Variants in CDH13 observed in about 807,000 individuals in gnomAD.
CDH13 encodes the protein cadherin-13.
Under a neutral mutation model 63.8 loss-of-function variants are expected in CDH13, and 24 were observed. The observed-to-expected ratio is 0.38, with a 90% CI of 0.27 to 0.53. The LOEUF (loss-of-function observed/expected upper bound fraction) is 0.53. CDH13 is among the 20% of genes least tolerant of loss of function. CDH13 has a pLI of 0.85. For synonymous variants in CDH13, 503 were observed against 355.3 expected, an observed-to-expected ratio of 1.42 and a Z score of -4.67; for missense variants, 1,049 against 903.1, an observed-to-expected ratio of 1.16 and a Z score of -2.07.
intron 1 of CDH13, among the ~76,000 whole-genome samples, chr16:82,675,310 T>C (rs973654881): frequency 3.9e-5 from 6 of 152,234 alleles, no homozygotes; most frequent in African/African-American, 9.6e-5. Context: ...GCCCATCTAT[T>C]ATTTCTCTAT....
At chr16:82,897,942 T>C (rs1478211982) in intron 2 of CDH13, among the ~76,000 whole-genome samples, 3 of 152,258 alleles carry the variant, frequency 2.0e-5, no homozygotes, top group African/African-American at 7.2e-5. Flanking sequence ...TGTTAATCTT[T>C]ATGCCTCTGA....
At chr16:83,500,923 CAG>C (rs1462245399) in intron 7 of CDH13, among the ~76,000 whole-genome samples, 2 of 152,040 alleles carry the variant, frequency 1.3e-5, no homozygotes, top group African/African-American at 2.4e-5. Context: ...GTTGACCAAA[CAG>C]AGGGAGTTGT....
At chr16:82,691,592 C>T (rs547562284) in intron 1 of CDH13, among the ~76,000 whole-genome samples, 1 of 152,194 alleles carries the variant, frequency 6.6e-6, no homozygotes, top group East Asian at 1.9e-4. Context: ...TACCTGTATC[C>T]AGGTCCTTCT....
At chr16:82,637,409 G>A (rs964794801) in intron 1 of CDH13, among the ~76,000 whole-genome samples, 2 of 140,996 alleles carry the variant, frequency 1.4e-5, no homozygotes, top group African/African-American at 2.6e-5. Flanking sequence ...AGAAGCTGAG[G>A]TCTGTACAGT....
intron 4 of CDH13, among the ~76,000 whole-genome samples, chr16:83,178,049 C>G (rs1020986741): frequency 2.6e-5 from 4 of 152,048 alleles, no homozygotes; most frequent in Admixed American, 2.0e-4. Flanking sequence ...AAAAATAGTA[C>G]CAGAACCCCT....
intron 5 of CDH13, among the ~76,000 whole-genome samples, chr16:83,229,429 C>T (rs1433900748): frequency 6.6e-6 from 1 of 151,988 alleles, no homozygotes; most frequent in Non-Finnish European, 1.5e-5. Flanking sequence ...CTCGTTCTCC[C>T]CATTTAGTCT....
chr16:82,672,091 G>A (rs759729998), intron 1 of CDH13, among the ~76,000 whole-genome samples: 1 of 152,198 alleles, frequency 6.6e-6, no homozygotes, highest in African/African-American at 2.4e-5. Context: ...TAACAACGCA[G>A]TCTTTGAAGC....
At chr16:83,715,162 T>A (rs1281061820) in intron 10 of CDH13, among the ~76,000 whole-genome samples, 1 of 152,230 alleles carries the variant, frequency 6.6e-6, no homozygotes, top group African/African-American at 2.4e-5. Flanking sequence ...TTTATTGCTA[T>A]GAGTTCATGC....
intron 10 of CDH13, among the ~76,000 whole-genome samples, chr16:83,711,582 C>G (rs1470398985): frequency 2.0e-5 from 3 of 152,306 alleles, no homozygotes; most frequent in Non-Finnish European, 4.4e-5. Flanking sequence ...GTGGCGCAAT[C>G]TTGACTCACC....
chr16:83,586,489 C>G (rs910758787), intron 7 of CDH13, among the ~76,000 whole-genome samples: 6 of 152,180 alleles, frequency 3.9e-5, no homozygotes, highest in African/African-American at 1.4e-4. Context: ...TTATCAACAT[C>G]CTGTCTGTCT....
chr16:83,103,840 T>C (rs1049042828), intron 3 of CDH13, among the ~76,000 whole-genome samples: 2 of 152,202 alleles, frequency 1.3e-5, no homozygotes, highest in African/African-American at 4.8e-5. Flanking sequence ...TGTCATTTTC[T>C]AGAACACATT....
chr16:83,561,401 G>C (rs555232102), intron 7 of CDH13, among the ~76,000 whole-genome samples: 2 of 137,728 alleles, frequency 1.5e-5, no homozygotes, highest in East Asian at 2.2e-4. Context: ...ACTTCAGCCT[G>C]AGCAACAAGA....
At chr16:83,334,401 T>A (rs1483912432) in intron 5 of CDH13, among the ~76,000 whole-genome samples, 3 of 123,642 alleles carry the variant, frequency 2.4e-5, no homozygotes, top group Non-Finnish European at 5.0e-5. Flanking sequence ...ACACAGAATC[T>A]CCCTCTGTCA....
At position 83,058,557 on chromosome 16, in the gene CDH13, C is replaced by T. The variant is rs919303614; in HGVS notation, c.366+26339C>T. ...ACCATGTTGCCAAGAGATGGCATAG[C>T]TGGTGAGGGCTGGACTTTAGGGGCC... On this transcript the variant is annotated intron_variant, in intron 3 of 13. Transcript: ENST00000567109. 1.4e-4 allele frequency among the ~76,000 whole-genome samples: 22 copies of T among 152,202 alleles called. 1 individual carries two copies. Among genetic ancestry groups the T allele is most frequent in the Admixed American group, 1.3e-3 (20 of 15,284 alleles).
At chr16:83,278,613 C>T (rs760801140) in intron 5 of CDH13, among the ~76,000 whole-genome samples, 41 of 152,270 alleles carry the variant, frequency 2.7e-4, no homozygotes, top group Non-Finnish European at 3.7e-4. Context: ...TGTCTAAATC[C>T]GTTCTCTCTT....
intron 6 of CDH13, among the ~76,000 whole-genome samples, chr16:83,391,233 GTCTT>G (rs2091780084): frequency 6.7e-6 from 1 of 149,438 alleles, no homozygotes; most frequent in Non-Finnish European, 1.5e-5. Flanking sequence ...TTGAGACAGC[GTCTT>G]ACCCGTCGCC....
intron 5 of CDH13, among the ~76,000 whole-genome samples, chr16:83,335,762 G>A (rs947115824): frequency 1.3e-5 from 2 of 151,920 alleles, no homozygotes; most frequent in Admixed American, 6.6e-5. Context: ...TCTAATTACC[G>A]GTGCATGCAG....
intron 7 of CDH13, among the ~76,000 whole-genome samples, chr16:83,533,903 G>A (rs1246397392): frequency 6.6e-6 from 1 of 152,156 alleles, no homozygotes; most frequent in South Asian, 2.1e-4. Flanking sequence ...TTACAGGCAT[G>A]AGCCACAGTG....
chr16:83,377,946 G>A (rs2091487635), intron 6 of CDH13, among the ~76,000 whole-genome samples: 2 of 152,278 alleles, frequency 1.3e-5, no homozygotes, highest in Non-Finnish European at 1.5e-5. Flanking sequence ...AGACCATTGA[G>A]GTCTTGGCTT....
Sources: gnomAD v4.1 joint callset for allele counts (sites outside exome capture counted in the v4.1 genomes callset) on GRCh38, gnomAD v4.1.1 for gene constraint, MANE v1.5 for transcripts, NCBI Gene and HGNC (gene_info 2026-07-23, HGNC 2026-07-21) for gene names.